The following VAV2 variants were observed in gnomAD, a reference collection of about 807,000 sequenced individuals.
VAV2 encodes the protein guanine nucleotide exchange factor VAV2.
VAV2 carries 67 observed loss-of-function variants against 132.5 expected under a neutral mutation model. That is an observed-to-expected ratio of 0.51 (90% CI 0.42 to 0.62). VAV2 has a LOEUF of 0.62. Among genes scored for constraint, VAV2 ranks in the 20% least tolerant of loss-of-function variants. VAV2 has a pLI of 0.00. For missense variants in VAV2, 938 were observed against 1,153.6 expected (o/e 0.81, Z 2.71); for synonymous variants, 492 against 443.5 (o/e 1.11, Z -1.37).
intron 3 of VAV2, among the ~76,000 whole-genome samples, chr9:133,837,790 T>C (rs1365281002): frequency 6.6e-6 from 1 of 150,658 alleles, no homozygotes; most frequent in Admixed American, 6.6e-5. Flanking sequence ...TGCATCTCAT[T>C]TGGTGTCTTG....
chr9:133,801,125 A>G (rs987979917), intron 9 of VAV2, among the ~76,000 whole-genome samples: 1 of 152,216 alleles, frequency 6.6e-6, no homozygotes, highest in Non-Finnish European at 1.5e-5. Context: ...CACGGCTGTG[A>G]GTGGCCACAG....
In VAV2 at chr9:133,778,858, A is replaced by G. The variant is rs1195497872; in HGVS notation, c.1794T>C (p.His598=). The change falls in exon 22 of 30, where the codon CAT becomes CAC. Residue 598 remains histidine (H), a synonymous_variant. Coordinates refer to ENST00000371850, the MANE Select transcript of VAV2 (RefSeq NM_001134398.2). Reference sequence around the variant, plus strand: ...GCTTCCCGGGAGGGGCTGGGTTGCCATGGTAATTCTGCATGGCCACCATCT... The same window carrying G: ...GCTTCCCGGGAGGGGCTGGGTTGCCGTGGTAATTCTGCATGGCCACCATCT... The part of the protein sequence containing the change: ...GPKMVAMQNY[H]GNPAPPGKPV... 16 of 1,612,650 alleles carry G rather than the reference A, an allele frequency of 9.9e-6. No individual in the cohort carries two copies. Among genetic ancestry groups the G allele is most frequent in the Non-Finnish European group, 1.4e-5 (16 of 1,179,864 alleles).
intron 1 of VAV2, among the ~76,000 whole-genome samples, chr9:133,953,864 C>CCCA (rs1841651505): frequency 6.6e-6 from 1 of 152,194 alleles, no homozygotes; most frequent in African/African-American, 2.4e-5. Context: ...TACCCCAAAA[C>CCCA]CAAGACCTGT....
chr9:133,819,377 AGG>A (rs895321248), intron 4 of VAV2, among the ~76,000 whole-genome samples: 2 of 151,588 alleles, frequency 1.3e-5, no homozygotes, highest in South Asian at 2.1e-4. Context: ...TGAACCCAGG[AGG>A]TGGAGTTTGC....
At chr9:133,808,996 A>ACAGTGGCCGCTGCCATTTTC (rs763909388) in intron 7 of VAV2, 44 bp downstream of exon 7, 1 of 1,578,858 alleles carries the variant, frequency 6.3e-7, no homozygotes, top group South Asian at 1.1e-5. Context: ...TGCAGTGACC[A>ACAGTGGCCGCTGCCATTTTC]CAGTGGCCGC....
chr9:133,913,935 G>A (rs553701481), intron 2 of VAV2, among the ~76,000 whole-genome samples: 3 of 152,348 alleles, frequency 2.0e-5, no homozygotes, highest in Non-Finnish European at 2.9e-5. Context: ...CACTCCCCCA[G>A]ACTCTGCCTC....
intron 4 of VAV2, among the ~76,000 whole-genome samples, chr9:133,830,044 A>T (rs867383778): frequency 8.5e-5 from 13 of 152,344 alleles, no homozygotes; most frequent in Middle Eastern, 6.8e-3. Flanking sequence ...AATGAATGAA[A>T]GCACACAGGC....
At position 133,956,291 on chromosome 9, in the gene VAV2, C is replaced by G. The variant is rs78429413; in HGVS notation, c.205-17072G>C. On this transcript the variant is annotated intron_variant, in intron 1 of 29. Transcript: ENST00000371850. ...ATGATCCCCTCGTCTACCCAGCCTC[C>G]CCTGGGCCCTGCAGCCCCTCCCTAC... Among the ~76,000 whole-genome samples the G allele has an allele frequency of 1.6e-3, 238 of 152,254 alleles. 1 individual carries two copies. Among genetic ancestry groups the G allele is most frequent in the East Asian group, 0.015 (79 of 5,154 alleles).
intron 2 of VAV2, among the ~76,000 whole-genome samples, chr9:133,878,845 G>A (rs557134844): frequency 2.2e-4 from 33 of 152,312 alleles, no homozygotes; most frequent in Admixed American, 1.3e-3. Flanking sequence ...CTGAGCACTC[G>A]GAGTGGAAGC....
intron 4 of VAV2, among the ~76,000 whole-genome samples, chr9:133,815,148 G>C (rs191667403): frequency 1.3e-5 from 2 of 152,074 alleles, no homozygotes; most frequent in Non-Finnish European, 2.9e-5. Flanking sequence ...TTTGAAGCCC[G>C]GGTGGACCTA....
intron 2 of VAV2, among the ~76,000 whole-genome samples, chr9:133,910,823 CAAAAAAAAAA>C (rs60841450): frequency 9.9e-6 from 1 of 100,570 alleles, no homozygotes; most frequent in African/African-American, 3.6e-5. Context: ...GACTCGGTCT[CAAAAAAAAAA>C]AAAAGAAAAA....
At chr9:133,805,516 C>T (rs1172003982) in intron 9 of VAV2, among the ~76,000 whole-genome samples, 6 of 151,648 alleles carry the variant, frequency 4.0e-5, no homozygotes, top group Non-Finnish European at 8.8e-5. Context: ...CCCCAGCCTC[C>T]GACAGCCTGG....
chr9:133,777,567 G>T, intron 22 of VAV2, 104 bp from the exon 23 acceptor site: 1 of 1,158,758 alleles, frequency 8.6e-7, no homozygotes, highest in Non-Finnish European at 1.2e-6. Context: ...GCTCCTGGAG[G>T]GTGGGAGAGC....
intron 2 of VAV2, among the ~76,000 whole-genome samples, chr9:133,906,590 T>C (rs564587874): frequency 6.4e-4 from 98 of 152,062 alleles, no homozygotes; most frequent in Non-Finnish European, 1.0e-3. Flanking sequence ...GATGAGACCA[T>C]GGTTGGGCGG....
At chr9:133,767,312 C>T (rs1474610775) in intron 29 of VAV2, among the ~76,000 whole-genome samples, 1 of 152,102 alleles carries the variant, frequency 6.6e-6, no homozygotes, top group African/African-American at 2.4e-5. Flanking sequence ...CCCAAGAAAG[C>T]TGGTGTCACA....
intron 19 of VAV2, 113 bp downstream of exon 19, chr9:133,783,390 T>C: frequency 2.0e-6 from 2 of 1,003,222 alleles, no homozygotes; most frequent in Non-Finnish European, 3.1e-6. Context: ...GGTGCCCTCA[T>C]CTGGTCGCTG....
chr9:133,915,682 T>G (rs915414903), intron 2 of VAV2, among the ~76,000 whole-genome samples: 2 of 144,142 alleles, frequency 1.4e-5, no homozygotes, highest in African/African-American at 5.2e-5. Context: ...ACACACACAA[T>G]GCACACGTGC....
chr9:133,822,386 G>C (rs1160333091), intron 4 of VAV2, among the ~76,000 whole-genome samples: 1 of 152,228 alleles, frequency 6.6e-6, no homozygotes, highest in African/African-American at 2.4e-5. Context: ...ATCCCCAGGG[G>C]ACTGGGGTGG....
chr9:133,810,100 G>A (rs759648516), intron 6 of VAV2, 91 bp downstream of exon 6: 22 of 1,580,284 alleles, frequency 1.4e-5, no homozygotes, highest in South Asian at 4.5e-5. Context: ...GCAGGGTCCC[G>A]AGTTTTCTCA....
Sources: gnomAD v4.1 joint callset for allele counts (sites outside exome capture counted in the v4.1 genomes callset) on GRCh38, gnomAD v4.1.1 for gene constraint, MANE v1.5 for transcripts, NCBI Gene and HGNC (gene_info 2026-07-23, HGNC 2026-07-21) for gene names.